Variants in KIF26B observed in about 807,000 individuals in gnomAD.
KIF26B encodes kinesin-like protein KIF26B.
KIF26B carries 63 observed loss-of-function variants against 151.2 expected under a neutral mutation model. The observed-to-expected ratio is 0.42, with a 90% CI of 0.34 to 0.51. The LOEUF (loss-of-function observed/expected upper bound fraction) is 0.51, where lower values mean the gene tolerates loss of function less well. Among genes scored for constraint, KIF26B ranks in the 20% least tolerant of loss-of-function variants. The pLI is 0.07. For synonymous variants in KIF26B, 1,357 were observed against 1,262.1 expected (o/e 1.08, Z -1.59); for missense variants, 2,813 against 2,913.6 (o/e 0.97, Z 0.79).
intron 5 of KIF26B, among the ~76,000 whole-genome samples, chr1:245,577,760 G>A (rs1348890697): frequency 8.8e-5 from 13 of 147,560 alleles, no homozygotes; most frequent in Non-Finnish European, 1.5e-5. Flanking sequence ...CACCGGAAGA[G>A]CTTTGTGGAG....
chr1:245,348,718 C>A (rs530725794), intron 2 of KIF26B, among the ~76,000 whole-genome samples: 3 of 152,146 alleles, frequency 2.0e-5, no homozygotes, highest in Admixed American at 6.5e-5. Flanking sequence ...CAGTTTACAG[C>A]GGTCTCTCTG....
chr1:245,702,706 TGAG>T lies in KIF26B; in HGVS notation c.*103_*105del. On this transcript the variant is annotated 3_prime_UTR_variant, in exon 15 of 15. Transcript: ENST00000407071. This position sits in a 1 kb window ranked among gnomAD's most constrained non-coding sequence, Gnocchi z 4.1. Reference sequence around the variant, plus strand: ...GTGCTGGGGCATCAAAGACAATGAATGAGGATGAAGGTTGGTGGCAAGTCTGGA... The same window carrying T: ...GTGCTGGGGCATCAAAGACAATGAATGATGAAGGTTGGTGGCAAGTCTGGA... The T allele has an allele frequency of 4.4e-6, 6 of 1,356,074 alleles. No homozygotes were observed. The highest frequency in any genetic ancestry group is 6.0e-6 in the Non-Finnish European group (6 of 1,002,498). 84.0% of individuals were successfully genotyped at this position (1,356,074 alleles called of 1,614,324 possible).
intron 4 of KIF26B, among the ~76,000 whole-genome samples, chr1:245,491,376 A>G (rs1660406368): frequency 6.6e-6 from 1 of 152,228 alleles, no homozygotes; most frequent in African/African-American, 2.4e-5. Flanking sequence ...TTATGCTGAT[A>G]CAAAGATCTT....
chr1:245,684,405 T>TC lies in KIF26B; in HGVS notation c.2421+11dup, dbSNP rs2044481632. On this transcript the variant is annotated intron_variant, in intron 11 of 14. Coordinates refer to ENST00000407071, the MANE Select transcript of KIF26B (RefSeq NM_018012.4). ...GAAAAAGAAGACGAAGGTAAGGAGC[T>TC]CGCGGGGTGGGGGGGTGGTGGATGA... is the stretch of plus-strand genomic sequence containing the variant. The TC allele has an allele frequency of 7.2e-7, 1 of 1,381,146 alleles. No homozygotes were observed. Among genetic ancestry groups the TC allele is most frequent in the East Asian group, 2.6e-5 (1 of 38,162 alleles). 85.6% of individuals were successfully genotyped at this position (1,381,146 alleles called of 1,614,324 possible). A position where few individuals can be genotyped will look rare whatever the true frequency, so the allele number is the denominator to read the frequency against.
chr1:245,157,912 A>C (rs1183187833), intron 2 of KIF26B, among the ~76,000 whole-genome samples: 1 of 152,068 alleles, frequency 6.6e-6, no homozygotes, highest in African/African-American at 2.4e-5. Context: ...TTGATTTTCT[A>C]CTCCATCCGA....
chr1:245,398,899 G>A (rs1673926624), intron 3 of KIF26B, among the ~76,000 whole-genome samples: 1 of 151,906 alleles, frequency 6.6e-6, no homozygotes, highest in Non-Finnish European at 1.5e-5. Context: ...TATTTTTTCT[G>A]GACCATTTGT....
chr1:245,641,332 G>A (rs951022005), intron 9 of KIF26B, among the ~76,000 whole-genome samples: 1 of 144,326 alleles, frequency 6.9e-6, no homozygotes, highest in African/African-American at 2.6e-5. Context: ...GGTTGAATCT[G>A]ATCGGTGACT....
chr1:245,221,714 TC>T (rs1669777996), intron 2 of KIF26B, among the ~76,000 whole-genome samples: 1 of 152,196 alleles, frequency 6.6e-6, no homozygotes, highest in Admixed American at 6.5e-5. Context: ...GGCCTATTCT[TC>T]CTACTTTTTA....
Position 245,609,277 on chromosome 1 carries a change from A to C in KIF26B, c.1663A>C (p.Thr555Pro). ...FGHAKLGKSY[T>P]MIGKDDSMQN... ...CCTGGTTCTCCCAGGAAAATCCTAC[A>C]CCATGATCGGAAAGGATGATTCCAT... The change falls in exon 8 of 15, where the codon ACC (threonine) becomes CCC (proline). Residue 555 changes from threonine to proline, a missense_variant. Physicochemically the swap from Thr to Pro is conservative, Grantham distance 38. Transcript: ENST00000407071. 1.2e-6 allele frequency: 2 copies of C among 1,603,904 alleles called. No individual in the cohort carries two copies. The highest frequency in any genetic ancestry group is 1.7e-6 in the Non-Finnish European group (2 of 1,174,070).
intron 2 of KIF26B, among the ~76,000 whole-genome samples, chr1:245,173,585 G>T (rs1031545560): frequency 6.6e-6 from 1 of 152,150 alleles, no homozygotes; most frequent in African/African-American, 2.4e-5. Context: ...AGCTCAGTGA[G>T]GTTAGATGCC....
At chr1:245,647,154 G>A (rs532154721) in intron 10 of KIF26B, among the ~76,000 whole-genome samples, 6 of 152,220 alleles carry the variant, frequency 3.9e-5, no homozygotes, top group South Asian at 2.1e-4. Context: ...GGCTGGGTGC[G>A]GTGGCTCATG....
At position 245,166,378 on chromosome 1, in the gene KIF26B, C is replaced by T. The variant is rs1668614502; in HGVS notation, c.465+9695C>T. On this transcript the variant is annotated intron_variant, in intron 2 of 14. Transcript: ENST00000407071. The surrounding 1 kb of genome is among the most constrained non-coding windows in gnomAD (Gnocchi z 4.5). ...CAGTGCGTCTTTGTTTCTTCACCTC[C>T]AAGTGGATAAAGCATCTCATTCTTA... is the stretch of plus-strand genomic sequence containing the variant. 6.6e-6 allele frequency among the ~76,000 whole-genome samples: 1 copy of T among 152,170 alleles called. No homozygotes were observed.
At chr1:245,381,573 A>G (rs137990994) in intron 3 of KIF26B, among the ~76,000 whole-genome samples, 96 of 152,182 alleles carry the variant, frequency 6.3e-4, no homozygotes, top group Admixed American at 2.0e-3. Context: ...TCTTCTTCCA[A>G]TGTGGCCCAG....
At chr1:245,584,887 G>A (rs1360901491) in intron 5 of KIF26B, among the ~76,000 whole-genome samples, 1 of 152,162 alleles carries the variant, frequency 6.6e-6, no homozygotes, top group African/African-American at 2.4e-5. Context: ...GAGGAATAGA[G>A]TCAGAAGCCA....
chr1:245,449,684 G>A (rs1482152367), intron 4 of KIF26B, among the ~76,000 whole-genome samples: 3 of 152,144 alleles, frequency 2.0e-5, no homozygotes, highest in Non-Finnish European at 4.4e-5. Flanking sequence ...AATTAGAATG[G>A]CTTTTCTATT....
At chr1:245,568,097 A>G (rs1396554579) in intron 5 of KIF26B, among the ~76,000 whole-genome samples, 1 of 133,134 alleles carries the variant, frequency 7.5e-6, no homozygotes, top group Admixed American at 8.9e-5. Flanking sequence ...TGAACTTGGG[A>G]GGTTCAGTGG....
intron 10 of KIF26B, among the ~76,000 whole-genome samples, chr1:245,682,119 C>A (rs1322560979): frequency 6.6e-6 from 1 of 152,172 alleles, no homozygotes; most frequent in Non-Finnish European, 1.5e-5. Context: ...GTGGCGCGTG[C>A]CTGTAGTCCC....
chr1:245,440,478 GAC>G (rs1659051063), intron 4 of KIF26B, among the ~76,000 whole-genome samples: 1 of 152,164 alleles, frequency 6.6e-6, no homozygotes, highest in African/African-American at 2.4e-5. Flanking sequence ...CACATCCTAA[GAC>G]ACAGTACCGA....
chr1:245,584,601 T>A (rs1040113666), intron 5 of KIF26B, among the ~76,000 whole-genome samples: 1 of 152,144 alleles, frequency 6.6e-6, no homozygotes, highest in South Asian at 2.1e-4. Context: ...TCCTAATGAG[T>A]ATCATTTTGG....
Sources: allele counts gnomAD v4.1 joint callset (sites outside exome capture counted in the v4.1 genomes callset), GRCh38; gene constraint gnomAD v4.1.1; non-coding constraint Gnocchi (gnomAD v3.1); transcripts MANE v1.5; gene names NCBI Gene and HGNC (gene_info 2026-07-23, HGNC 2026-07-21).